The following SELENOI variants were observed in gnomAD, a reference collection of about 807,000 sequenced individuals.
SELENOI encodes ethanolaminephosphotransferase 1.
In SELENOI, 24 loss-of-function variants were observed where a neutral mutation model predicts 50.7. That is an observed-to-expected ratio of 0.47 (90% confidence interval 0.34 to 0.67). The LOEUF (loss-of-function observed/expected upper bound fraction) is 0.67, where lower values mean the gene tolerates loss of function less well. SELENOI is among the 30% of genes least tolerant of loss of function. SELENOI has a pLI of 0.01. For missense variants in SELENOI, 352 were observed against 461.4 expected (o/e 0.76, Z 2.17); for synonymous variants, 155 against 170.2 (o/e 0.91, Z 0.70).
chr2:26,373,263 G>C, intron 4 of SELENOI, 104 bp from the exon 5 acceptor site: 1 of 1,346,570 alleles, frequency 7.4e-7, no homozygotes, highest in Non-Finnish European at 1.0e-6. Flanking sequence ...TAACATTCCT[G>C]TGATAAGCTG....
At chr2:26,373,832 A>G (rs1677508770) in intron 5 of SELENOI, among the ~76,000 whole-genome samples, 1 of 152,222 alleles carries the variant, frequency 6.6e-6, no homozygotes, top group Non-Finnish European at 1.5e-5. Context: ...GAAAAAGTAG[A>G]GAGAATAGAC....
chr2:26,358,486 A>G (rs1677109802), intron 1 of SELENOI, among the ~76,000 whole-genome samples: 1 of 152,308 alleles, frequency 6.6e-6, no homozygotes, highest in Admixed American at 6.5e-5. Flanking sequence ...CAGCCTCCCA[A>G]GGCACTGGGA....
At position 26,388,375 on chromosome 2, in the gene SELENOI, G is replaced by A. The variant is rs565774826; in HGVS notation, c.1096-630G>A. On this transcript the variant is annotated intron_variant, in intron 9 of 9. Transcript: ENST00000260585. ...TAAAAACCTGGAAAATAAATAACAC[G>A]CTAACTGGAAAACAATTTAGGATCA... 3.3e-5 allele frequency among the ~76,000 whole-genome samples: 5 copies of A among 152,192 alleles called. No individual in the cohort carries two copies. In the South Asian group the frequency reaches 8.3e-4, roughly 25 times the overall value.
At chr2:26,382,254 C>T (rs908835897) in intron 6 of SELENOI, among the ~76,000 whole-genome samples, 9 of 152,238 alleles carry the variant, frequency 5.9e-5, no homozygotes, top group Non-Finnish European at 8.8e-5. Context: ...AGTATAAGTA[C>T]GGTGGGGCAC....
rs869073468 is a variant in SELENOI, at chr2:26,348,996, CTTTTTTTTTTTTTTTTTTTTT to C, written c.57+2722_57+2742del. Among the ~76,000 whole-genome samples, 22 of 57,728 alleles carry C rather than the reference CTTTTTTTTTTTTTTTTTTTTT, an allele frequency of 3.8e-4. No homozygotes were observed. The South Asian group carries it at 0.012, about 31-fold the overall frequency. 37.9% of individuals were successfully genotyped at this position (57,728 alleles called of 152,430 possible). On this transcript the variant is annotated intron_variant, in intron 1 of 9. Coordinates refer to ENST00000260585, the MANE Select transcript of SELENOI (RefSeq NM_033505.4). ...CTACCCATCCTTTGTTTTGGACAGG[CTTTTTTTTTTTTTTTTTTTTT>C]TTTTTTTTTTTTTTGGAGATGGAGG...
At position 26,363,702 on chromosome 2, in the gene SELENOI, C is replaced by G. The variant is rs57131550; in HGVS notation, c.58-600C>G. Among the ~76,000 whole-genome samples, 1,165 of 152,198 alleles carry G rather than the reference C, an allele frequency of 7.7e-3. 17 individuals carry two copies. The highest frequency in any genetic ancestry group is 0.026 in the African/African-American group (1,095 of 41,522). ...TCTTTGCCTCATTTATGTTGCTATT[C>G]CAGTTTTGCTACTCAGATTAGGACA... On this transcript the variant is annotated intron_variant, in intron 1 of 9. Coordinates refer to ENST00000260585, the MANE Select transcript of SELENOI (RefSeq NM_033505.4).
At chr2:26,371,465 C>A (rs907729365) in intron 4 of SELENOI, among the ~76,000 whole-genome samples, 68 of 152,138 alleles carry the variant, frequency 4.5e-4, no homozygotes, top group Non-Finnish European at 8.4e-4. Flanking sequence ...GGGTGGCGGC[C>A]GGGCAGAGGC....
intron 1 of SELENOI, among the ~76,000 whole-genome samples, chr2:26,347,330 A>G (rs1166867214): frequency 2.6e-5 from 4 of 152,190 alleles, no homozygotes; most frequent in African/African-American, 7.2e-5. Context: ...CTTGTGGACC[A>G]TCATGGCTTA....
intron 7 of SELENOI, 51 bp downstream of exon 7, chr2:26,383,398 T>A (rs1348713533): frequency 7.7e-7 from 1 of 1,301,770 alleles, no homozygotes; most frequent in Non-Finnish European, 1.1e-6. Flanking sequence ...GTTTTAGCAG[T>A]TGTTAGCTGA....
At chr2:26,368,985 G>T (rs1677349685) in intron 4 of SELENOI, among the ~76,000 whole-genome samples, 1 of 152,152 alleles carries the variant, frequency 6.6e-6, no homozygotes, top group African/African-American at 2.4e-5. Flanking sequence ...CTAGGCACTG[G>T]GGAATGTACT....
intron 1 of SELENOI, among the ~76,000 whole-genome samples, chr2:26,359,022 G>T (rs1215154763): frequency 6.6e-6 from 1 of 152,184 alleles, no homozygotes; most frequent in Non-Finnish European, 1.5e-5. Flanking sequence ...AGCAGGGGTT[G>T]TCAAACTGAA....
intron 1 of SELENOI, among the ~76,000 whole-genome samples, chr2:26,355,816 C>T (rs1677052531): frequency 6.6e-6 from 1 of 151,884 alleles, no homozygotes; most frequent in Non-Finnish European, 1.5e-5. Context: ...TCACGGCTCA[C>T]TGTAGCCTCA....
chr2:26,375,943 G>GA, intron 6 of SELENOI, among the ~76,000 whole-genome samples: 1 of 151,862 alleles, frequency 6.6e-6, no homozygotes, highest in Non-Finnish European at 1.5e-5. Flanking sequence ...CCTGTCTCTA[G>GA]AAAAAACTAA....
intron 1 of SELENOI, among the ~76,000 whole-genome samples, chr2:26,356,900 A>C (rs1677075381): frequency 6.6e-6 from 1 of 151,924 alleles, no homozygotes; most frequent in Non-Finnish European, 1.5e-5. Flanking sequence ...GTCTTTGTAC[A>C]TGTTATTGTT....
intron 4 of SELENOI, among the ~76,000 whole-genome samples, chr2:26,369,369 T>C (rs1245846679): frequency 2.0e-5 from 3 of 152,208 alleles, no homozygotes; most frequent in Non-Finnish European, 4.4e-5. Flanking sequence ...TCAATTTCAG[T>C]ATCTAAAATT....
chr2:26,356,867 C>A (rs1379840477), intron 1 of SELENOI, among the ~76,000 whole-genome samples: 2 of 152,136 alleles, frequency 1.3e-5, no homozygotes. Flanking sequence ...CTTCCTTCAG[C>A]ATTTCTGATA....
intron 4 of SELENOI, 37 bp downstream of exon 4, chr2:26,367,257 T>G: frequency 6.6e-7 from 1 of 1,508,996 alleles, no homozygotes; most frequent in Non-Finnish European, 9.1e-7. Context: ...AGTCAGTGAC[T>G]GGTGAATCAG....
intron 6 of SELENOI, among the ~76,000 whole-genome samples, chr2:26,381,179 GTATC>G (rs1325198652): frequency 1.6e-5 from 1 of 61,500 alleles, no homozygotes; most frequent in Admixed American, 1.8e-4. Context: ...TCCTTGGATT[GTATC>G]TCCTTCAGTT....
chr2:26,378,315 GAGAT>G (rs1405279476), intron 6 of SELENOI, among the ~76,000 whole-genome samples: 5 of 152,142 alleles, frequency 3.3e-5, no homozygotes, highest in Non-Finnish European at 7.4e-5. Flanking sequence ...CACTTAGTAA[GAGAT>G]ACAGCAGACT....
Sources: allele counts gnomAD v4.1 joint callset (sites outside exome capture counted in the v4.1 genomes callset), GRCh38; gene constraint gnomAD v4.1.1; transcripts MANE v1.5; gene names NCBI Gene and HGNC (gene_info 2026-07-23, HGNC 2026-07-21).